LIMCH1: variants seen among roughly 807,000 people sequenced by gnomAD.
The protein encoded by LIMCH1 is LIM and calponin homology domains 1, also known as LIM and calponin homology domains-containing protein 1.
LIMCH1 carries 113 observed loss-of-function variants against 176.5 expected under a neutral mutation model. The observed-to-expected ratio is 0.64, with a 90% CI of 0.55 to 0.75. The LOEUF (loss-of-function observed/expected upper bound fraction) is 0.75, where lower values mean the gene tolerates loss of function less well. Among genes scored for constraint, LIMCH1 ranks in the 30% least tolerant of loss-of-function variants. LIMCH1 has a pLI of 0.00. For synonymous variants in LIMCH1, 619 were observed against 645.9 expected (o/e 0.96, Z 0.63); for missense variants, 1,674 against 1,814.9 (o/e 0.92, Z 1.41).
chr4:41,482,617 G>A (rs1429969104), intron 1 of LIMCH1, among the ~76,000 whole-genome samples: 1 of 152,136 alleles, frequency 6.6e-6, no homozygotes, highest in Non-Finnish European at 1.5e-5. Context: ...GGAGAGCCAG[G>A]AAAGCGTGGC....
Position 41,676,364 on chromosome 4 carries a change from T to C in LIMCH1, c.3439-18T>C. The C allele has an allele frequency of 6.2e-7, 1 of 1,608,664 alleles. No individual in the cohort carries two copies. Among genetic ancestry groups the C allele is most frequent in the Non-Finnish European group, 8.5e-7 (1 of 1,175,646 alleles). On this transcript the variant is annotated intron_variant, in intron 22 of 31. Transcript: ENST00000503057. ...GGACATGGCTCAATTCTGATCATGG[T>C]TTCATTTTTCTAAGCAGTTTAAGTT...
intron 18 of LIMCH1, among the ~76,000 whole-genome samples, chr4:41,660,662 G>A (rs191957816): frequency 1.1e-4 from 16 of 152,284 alleles, no homozygotes; most frequent in African/African-American, 3.8e-4. Context: ...CAAATTTGGA[G>A]GAGAAGGCCA....
At position 41,604,498 on chromosome 4, in the gene LIMCH1, C is replaced by G. The variant is rs2090417554; in HGVS notation, c.-103+593C>G. Among the ~76,000 whole-genome samples, 5 of 152,146 alleles carry G rather than the reference C, an allele frequency of 3.3e-5. No homozygotes were observed. The South Asian group carries it at 1.0e-3, about 32-fold the overall frequency. ...CTAAAATTTTAAAATTGGCTGAAGC[C>G]TCTTTTTAAAAAAGTTTCCCTAGGT... On this transcript the variant is annotated intron_variant, in intron 3 of 31. Transcript: ENST00000503057.
At chr4:41,419,960 A>G (rs890202688) in intron 1 of LIMCH1, among the ~76,000 whole-genome samples, 3 of 152,134 alleles carry the variant, frequency 2.0e-5, no homozygotes, top group African/African-American at 7.2e-5. Context: ...ATAAACAGAT[A>G]ATACATACTA....
intron 20 of LIMCH1, 124 bp from the exon 21 acceptor site, chr4:41,666,437 T>G: frequency 1.7e-6 from 1 of 591,210 alleles, no homozygotes; most frequent in Admixed American, 3.4e-5. Flanking sequence ...ATGTTTAAAT[T>G]TAAATGTTAA....
intron 1 of LIMCH1, among the ~76,000 whole-genome samples, chr4:41,472,734 A>G (rs1384462192): frequency 6.6e-6 from 1 of 152,064 alleles, no homozygotes; most frequent in African/African-American, 2.4e-5. Flanking sequence ...CCATTGGATA[A>G]TTTTCCTGCA....
At chr4:41,524,259 A>G (rs536249667) in intron 2 of LIMCH1, 8 of 675,792 alleles carry the variant, frequency 1.2e-5, no homozygotes, top group South Asian at 3.4e-5. Flanking sequence ...ACTTATATGC[A>G]TGAAGGCTGA....
At position 41,684,483 on chromosome 4, in the gene LIMCH1, C is replaced by CCCCA; in HGVS notation, c.3934_3937dup (p.His1313ProfsTer38). 3.1e-6 allele frequency: 5 copies of CCCCA among 1,613,672 alleles called. No individual in the cohort carries two copies. The highest frequency in any genetic ancestry group is 4.2e-6 in the Non-Finnish European group (5 of 1,179,792). ...CATCAGCTGGATACCGAGGCTGGGGCCCCACACTGTGGAACAAACCCACAG... is the reference window on the plus strand; with the variant it reads ...CATCAGCTGGATACCGAGGCTGGGGCCCCACCCACACTGTGGAACAAACCCACAG... On this transcript the variant is annotated frameshift_variant, in exon 27 of 32. Transcript: ENST00000503057. LOFTEE classifies it high-confidence loss of function.
intron 1 of LIMCH1, among the ~76,000 whole-genome samples, chr4:41,561,334 A>G (rs2082037426): frequency 6.6e-6 from 1 of 152,024 alleles, no homozygotes; most frequent in African/African-American, 2.4e-5. Flanking sequence ...ATTTTTCTGT[A>G]GGTGTTAGAA....
chr4:41,541,473 A>G (rs535964185), intron 1 of LIMCH1, among the ~76,000 whole-genome samples: 7 of 152,334 alleles, frequency 4.6e-5, no homozygotes, highest in South Asian at 2.1e-4. Context: ...GAAACATTCT[A>G]TTTTAATTTG....
intron 2 of LIMCH1, among the ~76,000 whole-genome samples, chr4:41,499,710 C>T (rs1389087554): frequency 3.3e-5 from 5 of 152,020 alleles, no homozygotes; most frequent in Admixed American, 6.5e-5. Context: ...CCCAGCTACT[C>T]GGGAGGCTGA....
At chr4:41,653,112 G>A (rs74780621) in intron 18 of LIMCH1, among the ~76,000 whole-genome samples, 11,318 of 152,118 alleles carry the variant, frequency 0.074, 515 homozygotes, top group South Asian at 0.14. Context: ...CAGACTATAA[G>A]CTAAGTTGTT....
At chr4:41,392,281 A>G (rs373030282) in intron 1 of LIMCH1, among the ~76,000 whole-genome samples, 1 of 152,218 alleles carries the variant, frequency 6.6e-6, no homozygotes, top group Non-Finnish European at 1.5e-5. Flanking sequence ...ATTAAGTGCT[A>G]TGGAAAAAAT....
rs1052532071 is a variant in LIMCH1 at position 41,391,994 on chromosome 4, A to G, written c.96+31058A>G. On this transcript the variant is annotated intron_variant, in intron 1 of 26. Coordinates refer to the LIMCH1 transcript ENST00000313860. ...TTTTCTTAAATCTAAAGTTATTCCA[A>G]AATAATTTTTTTAAACTACTCCTGA... is the stretch of plus-strand genomic sequence containing the variant. 1.4e-4 allele frequency among the ~76,000 whole-genome samples: 17 copies of G among 123,674 alleles called. 1 individual carries two copies. Among genetic ancestry groups the G allele is most frequent in the Admixed American group, 1.1e-3 (14 of 12,790 alleles). The allele number at this position is 123,674 out of a possible 152,430, so 81.1% of individuals were successfully genotyped here.
intron 1 of LIMCH1, among the ~76,000 whole-genome samples, chr4:41,441,345 G>T (rs1446398113): frequency 2.0e-5 from 3 of 152,074 alleles, no homozygotes; most frequent in Non-Finnish European, 4.4e-5. Flanking sequence ...ATTGCTATTT[G>T]TCTTAGTTCC....
At chr4:41,510,467 G>C (rs1233247048) in intron 2 of LIMCH1, among the ~76,000 whole-genome samples, 1 of 152,092 alleles carries the variant, frequency 6.6e-6, no homozygotes, top group African/African-American at 2.4e-5. Context: ...TGTCAGGCTT[G>C]GTGGGCTGGC....
At chr4:41,500,655 T>C (rs2073106805) in intron 2 of LIMCH1, among the ~76,000 whole-genome samples, 1 of 152,192 alleles carries the variant, frequency 6.6e-6, no homozygotes, top group South Asian at 2.1e-4. Context: ...TTTGGCAAGG[T>C]CAGATGTCCT....
At chr4:41,433,522 C>T (rs2061784827) in intron 1 of LIMCH1, among the ~76,000 whole-genome samples, 1 of 152,124 alleles carries the variant, frequency 6.6e-6, no homozygotes, top group Admixed American at 6.6e-5. Context: ...AGGTCCAAGA[C>T]ATCTTTTCTC....
chr4:41,469,633 CT>C (rs1177199505), intron 1 of LIMCH1, among the ~76,000 whole-genome samples: 1 of 148,182 alleles, frequency 6.7e-6, no homozygotes, highest in Non-Finnish European at 1.5e-5. Flanking sequence ...TTTTAACAAC[CT>C]TTTTTAGGAT....
Sources: gnomAD v4.1 joint callset for allele counts (sites outside exome capture counted in the v4.1 genomes callset) on GRCh38, gnomAD v4.1.1 for gene constraint, MANE v1.5 for transcripts, NCBI Gene and HGNC (gene_info 2026-07-23, HGNC 2026-07-21) for gene names.